The following UBXN11 variants were observed in gnomAD, a reference collection of about 807,000 sequenced individuals.
UBXN11 encodes the protein UBX domain-containing protein 11.
UBXN11 carries 47 observed loss-of-function variants against 62.8 expected under a neutral mutation model. The observed-to-expected ratio is 0.75, with a 90% CI of 0.59 to 0.95. UBXN11 has a LOEUF of 0.95. Ranked by LOEUF, UBXN11 falls within the 40% of genes least tolerant of loss-of-function variation. The pLI, the probability that UBXN11 is intolerant of heterozygous loss-of-function variation, is 0.00. For synonymous variants in UBXN11, 294 were observed against 267.0 expected (o/e 1.10, Z -0.99); for missense variants, 638 against 661.7 (o/e 0.96, Z 0.39).
At chr1:26,301,567 G>GAACAC in intron 3 of UBXN11, 127 bp downstream of exon 3, 1 of 1,355,540 alleles carries the variant, frequency 7.4e-7, no homozygotes, top group Non-Finnish European at 1.0e-6. Context: ...GAGCTGCACA[G>GAACAC]AACACGGTGG....
At chr1:26,302,228 T>C (rs2073554192) in intron 2 of UBXN11, among the ~76,000 whole-genome samples, 2 of 152,002 alleles carry the variant, frequency 1.3e-5, no homozygotes, top group African/African-American at 4.8e-5. Flanking sequence ...CCAGGTGTTA[T>C]AGCATGCGCC....
At chr1:26,308,392 T>G (rs1293224405), upstream of UBXN11, among the ~76,000 whole-genome samples, 3 of 151,932 alleles carry the variant, frequency 2.0e-5, no homozygotes, top group Non-Finnish European at 4.4e-5. Context: ...CCCAGAACGG[T>G]CAGCCTCAAG....
intron 8 of UBXN11, among the ~76,000 whole-genome samples, chr1:26,292,680 G>A (rs893712118): frequency 4.0e-5 from 6 of 151,712 alleles, no homozygotes; most frequent in Admixed American, 2.6e-4. Flanking sequence ...ATGGCGAAAC[G>A]CTGTCTCTAC....
upstream of UBXN11, among the ~76,000 whole-genome samples, chr1:26,310,203 C>T (rs779143082): frequency 6.6e-6 from 1 of 152,162 alleles, no homozygotes; most frequent in Non-Finnish European, 1.5e-5. Context: ...GAGTTCGAGA[C>T]CAGCCTGGCC....
At chr1:26,288,381 A>AGGCCC (rs1270977810) in intron 8 of UBXN11, among the ~76,000 whole-genome samples, 6 of 152,188 alleles carry the variant, frequency 3.9e-5, no homozygotes, top group Non-Finnish European at 4.4e-5. Context: ...TAAAGAAGTA[A>AGGCCC]AAGCAGGTGG....
At chr1:26,315,228 A>G (rs2073780571) in intron 1 of UBXN11, among the ~76,000 whole-genome samples, 1 of 152,228 alleles carries the variant, frequency 6.6e-6, no homozygotes, top group Non-Finnish European at 1.5e-5. Context: ...ATGTTTACAA[A>G]TAAGAGTCTG....
At chr1:26,318,329 C>T (rs911322782) in exon 1 of UBXN11, 19 of 463,694 alleles carry the variant, frequency 4.1e-5, no homozygotes, top group Admixed American at 1.0e-4. Flanking sequence ...GGGTGCTAGG[C>T]GCGTTGGGGC....
chr1:26,295,445 C>G (rs552249959), intron 7 of UBXN11, among the ~76,000 whole-genome samples: 2 of 152,176 alleles, frequency 1.3e-5, no homozygotes, highest in Admixed American at 1.3e-4. Flanking sequence ...CAAACAGAAG[C>G]CTTCCAATGG....
intron 1 of UBXN11, among the ~76,000 whole-genome samples, chr1:26,317,369 C>G (rs4450008): frequency 1.3e-5 from 2 of 151,956 alleles, no homozygotes; most frequent in Non-Finnish European, 2.9e-5. Flanking sequence ...AACCAGGCTT[C>G]CCGATTCCTC....
chr1:26,297,547 C>T, intron 5 of UBXN11, 66 bp from the exon 6 acceptor site: 1 of 1,469,890 alleles, frequency 6.8e-7, no homozygotes, highest in East Asian at 2.5e-5. Context: ...AGACAGGAAG[C>T]TCCAGAGCTT....
intron 5 of UBXN11, 92 bp from the exon 6 acceptor site, chr1:26,297,573 C>T (rs983577702): frequency 2.1e-6 from 3 of 1,407,794 alleles, no homozygotes; most frequent in Admixed American, 5.6e-5. Flanking sequence ...ATGTTGGATG[C>T]TGGGGAGCAG....
upstream of UBXN11, among the ~76,000 whole-genome samples, chr1:26,308,814 ACCCCATCCCTTCTT>A (rs2073709107): frequency 6.6e-6 from 1 of 151,660 alleles, no homozygotes; most frequent in East Asian, 1.9e-4. Context: ...ACCAGGATTT[ACCCCATCCCTTCTT>A]CCCACCCAGG....
At position 26,304,719 on chromosome 1, in the gene UBXN11, C is replaced by T. The variant is rs748381492; in HGVS notation, c.-35-1801G>A. 6.4e-4 allele frequency among the ~76,000 whole-genome samples: 98 copies of T among 152,204 alleles called. 1 individual carries two copies. The highest frequency in any genetic ancestry group is 6.6e-4 in the Non-Finnish European group (45 of 68,000). On this transcript the variant is annotated intron_variant, in intron 1 of 14. Coordinates refer to ENST00000374222, the MANE Select transcript of UBXN11 (RefSeq NM_001389556.1). ...AGTGAGCAGAGATTGCGCCATTGCA[C>T]TCCAGCCTGGGTGACAGAGCAAGAC...
At chr1:26,300,454 C>T (rs1243108079) in intron 4 of UBXN11, among the ~76,000 whole-genome samples, 1 of 152,206 alleles carries the variant, frequency 6.6e-6, no homozygotes, top group East Asian at 1.9e-4. Context: ...CATGTCTCCC[C>T]TTTTCTCAGA....
intron 5 of UBXN11, 83 bp from the exon 6 acceptor site, chr1:26,297,564 T>C (rs2124658833): frequency 6.3e-6 from 9 of 1,430,654 alleles, no homozygotes; most frequent in South Asian, 2.9e-5. Flanking sequence ...GCTTTGCCTA[T>C]GTTGGATGCT....
intron 7 of UBXN11, 65 bp from the exon 8 acceptor site, chr1:26,294,396 G>A (rs1017716639): frequency 1.3e-6 from 2 of 1,588,092 alleles, no homozygotes; most frequent in East Asian, 4.5e-5. Flanking sequence ...GAAAGGCAGT[G>A]TCAGCCCAAA....
intron 1 of UBXN11, among the ~76,000 whole-genome samples, chr1:26,315,269 A>C (rs1428772661): frequency 1.3e-5 from 2 of 152,204 alleles, no homozygotes; most frequent in African/African-American, 4.8e-5. Flanking sequence ...CATCTCCAGC[A>C]TGGGAAACTA....
intron 12 of UBXN11, 35 bp downstream of exon 12, chr1:26,284,107 C>A: frequency 6.4e-7 from 1 of 1,559,024 alleles, no homozygotes; most frequent in South Asian, 1.2e-5. Context: ...CTAAAGTTCC[C>A]CCAGGAGGGC....
chr1:26,304,417 G>T (rs56250040), intron 1 of UBXN11, among the ~76,000 whole-genome samples: 2,930 of 152,202 alleles, frequency 0.019, 77 homozygotes, highest in African/African-American at 0.065. Context: ...GGGAGCGGTG[G>T]CTCATGCCTA....
Sources: gnomAD v4.1 joint callset for allele counts (sites outside exome capture counted in the v4.1 genomes callset) on GRCh38, gnomAD v4.1.1 for gene constraint, MANE v1.5 for transcripts, NCBI Gene and HGNC (gene_info 2026-07-23, HGNC 2026-07-21) for gene names.